Variants in CMTM4 observed in about 807,000 individuals in gnomAD.
The protein encoded by CMTM4 is CKLF like MARVEL transmembrane domain containing 4, also known as CKLF-like MARVEL transmembrane domain-containing protein 4.
In CMTM4, 8 loss-of-function variants were observed where a neutral mutation model predicts 19.0. The observed-to-expected ratio is 0.42, with a 90% CI of 0.25 to 0.76. The LOEUF is 0.76. CMTM4 is among the 30% of genes least tolerant of loss of function. CMTM4 has a pLI of 0.27. For synonymous variants in CMTM4, 106 were observed against 121.1 expected (o/e 0.88, Z 0.82); for missense variants, 228 against 290.2 (o/e 0.79, Z 1.56).
At chr16:66,627,383 C>T (rs2015764030) in intron 2 of CMTM4, among the ~76,000 whole-genome samples, 1 of 152,224 alleles carries the variant, frequency 6.6e-6, no homozygotes, top group Non-Finnish European at 1.5e-5. Flanking sequence ...AGGATTTATA[C>T]TCAAGTATTT....
intron 1 of CMTM4, among the ~76,000 whole-genome samples, chr16:66,669,392 G>A (rs930400390): frequency 2.0e-5 from 3 of 151,426 alleles, no homozygotes; most frequent in African/African-American, 7.3e-5. Context: ...TTATGGTAGT[G>A]GCTACACGAA....
At chr16:66,610,419 G>A (rs981825277), downstream of CMTM4, among the ~76,000 whole-genome samples, 1 of 152,196 alleles carries the variant, frequency 6.6e-6, no homozygotes, top group African/African-American at 2.4e-5. The surrounding 1 kb of genome is among the most constrained non-coding windows in gnomAD (Gnocchi z 4.6). Context: ...CCCAGAAACC[G>A]TGGCAAGGGA....
intron 1 of CMTM4, among the ~76,000 whole-genome samples, chr16:66,652,914 CAGACCGTTT>C (rs2016336681): frequency 6.6e-6 from 1 of 152,186 alleles, no homozygotes; most frequent in Non-Finnish European, 1.5e-5. Context: ...GTCAAATTTT[CAGACCGTTT>C]AAATTAGTAA....
chr16:66,632,700 G>T (rs988489859), intron 2 of CMTM4, among the ~76,000 whole-genome samples: 1 of 152,098 alleles, frequency 6.6e-6, no homozygotes, highest in East Asian at 1.9e-4. Flanking sequence ...CATCCCAGAA[G>T]GGAAGGGGAG....
At chr16:66,661,330 G>A (rs891911230) in intron 1 of CMTM4, among the ~76,000 whole-genome samples, 2 of 152,196 alleles carry the variant, frequency 1.3e-5, no homozygotes, top group Non-Finnish European at 2.9e-5. Context: ...ATATAGAGTA[G>A]GGAGAACAGA....
downstream of CMTM4, chr16:66,610,135 A>G (rs374440715): frequency 1.2e-5 from 14 of 1,124,478 alleles, no homozygotes; most frequent in East Asian, 2.4e-5. The surrounding 1 kb of genome is among the most constrained non-coding windows in gnomAD (Gnocchi z 4.6). Flanking sequence ...TTCACAGCCC[A>G]TTCTCACCTA....
chr16:66,696,279 C>CG lies in CMTM4; in HGVS notation c.186+60dup. On this transcript the variant is annotated intron_variant, in intron 1 of 3. Transcript: ENST00000394106. The surrounding 1 kb of genome is among the most constrained non-coding windows in gnomAD (Gnocchi z 4.3). ...ACGCGGCGGAGGCCCCGCAGCGGGGCGGGGAGGGAGGCGTGCGGCTAGGCC... is the reference window on the plus strand; with the variant it reads ...ACGCGGCGGAGGCCCCGCAGCGGGGCGGGGGAGGGAGGCGTGCGGCTAGGCC... 8.5e-7 allele frequency: 1 copy of CG among 1,175,822 alleles called. No individual in the cohort carries two copies. The highest frequency in any genetic ancestry group is 2.6e-5 in the South Asian group (1 of 37,794). 72.8% of individuals were successfully genotyped at this position (1,175,822 alleles called of 1,614,324 possible). A position where few individuals can be genotyped will look rare whatever the true frequency, so the allele number is the denominator to read the frequency against.
In CMTM4 at chr16:66,696,535, C is replaced by T. The variant is rs2017240521; in HGVS notation, c.-10G>A. On this transcript the variant is annotated 5_prime_UTR_variant, in exon 1 of 4. Transcript: ENST00000394106. The surrounding 1 kb of genome is among the most constrained non-coding windows in gnomAD (Gnocchi z 4.3). ...CCTCGCCGCTCCGCATGCTGCCGCC[C>T]GGCCCGGGCCGCCTCGCGCGGCTGG... 1.7e-6 allele frequency: 2 copies of T among 1,183,684 alleles called. No individual in the cohort carries two copies. Among genetic ancestry groups the T allele is most frequent in the Admixed American group, 4.6e-5 (1 of 21,778 alleles). The allele number at this position is 1,183,684 out of a possible 1,614,324, so 73.3% of individuals were successfully genotyped here.
At chr16:66,604,970 CT>C in the CMTM4 span, 1 of 1,482,194 alleles carries the variant, frequency 6.7e-7, no homozygotes. Flanking sequence ...CGGCGGGACC[CT>C]CGGCCGCCCC....
the CMTM4 span, among the ~76,000 whole-genome samples, chr16:66,606,187 C>G: frequency 1.1e-4 from 16 of 152,030 alleles, no homozygotes; most frequent in African/African-American, 2.7e-4. Flanking sequence ...TGAGGGCACT[C>G]CTGCCTCCCT....
downstream of CMTM4, chr16:66,609,838 G>A (rs1349866385): frequency 8.7e-6 from 14 of 1,614,208 alleles, no homozygotes; most frequent in South Asian, 4.4e-5. The surrounding 1 kb of genome is among the most constrained non-coding windows in gnomAD (Gnocchi z 4.4). Context: ...GCCTCCCGGA[G>A]CAGGGAGTCA....
intron 1 of CMTM4, among the ~76,000 whole-genome samples, chr16:66,665,882 A>G (rs2144869781): frequency 6.6e-6 from 1 of 151,952 alleles, no homozygotes; most frequent in South Asian, 2.1e-4. Flanking sequence ...CAGCCTGGCC[A>G]ACATGGCAAA....
At chr16:66,602,479 G>A in the CMTM4 span, among the ~76,000 whole-genome samples, 41 of 151,698 alleles carry the variant, frequency 2.7e-4, no homozygotes, top group African/African-American at 9.7e-4. Context: ...TATACCCAAG[G>A]GTAAAAAAAA....
rs2015574597 is a variant in CMTM4, at chr16:66,618,849, C to T, written c.*3209G>A. 1.0e-6 allele frequency: 1 copy of T among 985,406 alleles called. No homozygotes were observed. Among genetic ancestry groups the T allele is most frequent in the African/African-American group, 1.7e-5 (1 of 57,264 alleles). 61.0% of individuals were successfully genotyped at this position (985,406 alleles called of 1,614,324 possible). On this transcript the variant is annotated 3_prime_UTR_variant, in exon 4 of 4. Transcript: ENST00000394106. The stretch of plus-strand genomic sequence containing the variant: ...TGCCCACAGGCGTGAGCCTTCCTGC[C>T]AGGGGACAGTAACAGGGCCCGAAGG...
At chr16:66,630,084 G>A (rs1337155572) in intron 2 of CMTM4, among the ~76,000 whole-genome samples, 2 of 152,118 alleles carry the variant, frequency 1.3e-5, no homozygotes, top group Non-Finnish European at 2.9e-5. Flanking sequence ...AGAAGTGCCT[G>A]GGCACCCCTT....
At chr16:66,648,841 G>A (rs530483289) in intron 1 of CMTM4, among the ~76,000 whole-genome samples, 1 of 151,884 alleles carries the variant, frequency 6.6e-6, no homozygotes, top group Non-Finnish European at 1.5e-5. Context: ...GTGTGGTAGC[G>A]CAGGCCTATA....
At chr16:66,661,010 G>T (rs355955) in intron 1 of CMTM4, among the ~76,000 whole-genome samples, 7,298 of 152,242 alleles carry the variant, frequency 0.048, 280 homozygotes, top group Admixed American at 0.11. Flanking sequence ...AACAGGGCAT[G>T]AACAGGCATC....
the CMTM4 span, among the ~76,000 whole-genome samples, chr16:66,600,613 TC>T: frequency 5.6e-5 from 8 of 143,930 alleles, no homozygotes; most frequent in African/African-American, 1.5e-4. Context: ...CCCCCACCCT[TC>T]CCCCCAAACA....
In CMTM4 at chr16:66,657,352, A is replaced by G. The variant is rs547210119; in HGVS notation, c.187-20771T>C. 4.6e-5 allele frequency among the ~76,000 whole-genome samples: 7 copies of G among 152,262 alleles called. No individual in the cohort carries two copies. In the South Asian group the frequency reaches 8.3e-4, roughly 18 times the overall value. ...GTGATCTGCCTGCCTTGGTCTCCCA[A>G]AGTACTGGGATTACAGGCGTGAGCC... On this transcript the variant is annotated intron_variant, in intron 1 of 3. Coordinates refer to ENST00000394106, the MANE Select transcript of CMTM4 (RefSeq NM_181521.3).
Sources: gnomAD v4.1 joint callset for allele counts (sites outside exome capture counted in the v4.1 genomes callset) on GRCh38, gnomAD v4.1.1 for gene constraint, Gnocchi (gnomAD v3.1) non-coding constraint, MANE v1.5 for transcripts, NCBI Gene and HGNC (gene_info 2026-07-23, HGNC 2026-07-21) for gene names.